The following DIABLO variants were observed in gnomAD, a reference collection of about 807,000 sequenced individuals.
DIABLO encodes diablo homolog, mitochondrial.
A neutral mutation model predicts 31.7 loss-of-function variants in DIABLO; 32 were observed. The observed-to-expected ratio is 1.01, with a 90% CI of 0.76 to 1.35. The LOEUF is 1.35. Among genes scored for constraint, DIABLO ranks in the 40% most tolerant of loss-of-function variants. DIABLO has a pLI of 0.00. For synonymous variants in DIABLO, 132 were observed against 103.2 expected (o/e 1.28, Z -1.69); for missense variants, 316 against 286.4 (o/e 1.10, Z -0.75).
Position 122,217,813 on chromosome 12 carries a change from G to A in DIABLO, c.315+453C>T, listed in dbSNP as rs576651416. The A allele has an allele frequency of 1.9e-4, 32 of 170,686 alleles. 2 individuals carry two copies. In the East Asian group the frequency reaches 3.1e-3, roughly 16 times the overall value. The allele number at this position is 170,686 out of a possible 1,614,324, so 10.6% of individuals were successfully genotyped here. On this transcript the variant is annotated intron_variant, in intron 3 of 5. Coordinates refer to ENST00000464942, the MANE Select transcript of DIABLO (RefSeq NM_001371333.1). ...TGGGATTACAGATGTGAGCCACCAC[G>A]CCTGGCCCATATACTCTCTTTTCTA...
intron 1 of DIABLO, chr12:122,225,565 C>G: frequency 8.6e-7 from 1 of 1,166,332 alleles, no homozygotes; most frequent in Non-Finnish European, 1.1e-6. Context: ...CCTGCGCCAG[C>G]TCCCCCGGCC....
chr12:122,226,303 C>T (rs1158190154), upstream of DIABLO: 5 of 662,088 alleles, frequency 7.6e-6, no homozygotes, highest in Admixed American at 8.7e-5. Context: ...CGCCGTGACG[C>T]TGGCGGGTGG....
upstream of DIABLO, chr12:122,226,053 G>A (rs749902942): frequency 1.9e-6 from 3 of 1,588,434 alleles, no homozygotes; most frequent in Non-Finnish European, 1.7e-6. Context: ...CGCCGGAAGT[G>A]ACGCAGCTTC....
chr12:122,220,012 T>A (rs1270517311), intron 2 of DIABLO, among the ~76,000 whole-genome samples: 1 of 149,252 alleles, frequency 6.7e-6, no homozygotes, highest in Non-Finnish European at 1.5e-5. Flanking sequence ...GGTTCAATCT[T>A]GGCTCATTGC....
In DIABLO at chr12:122,218,847, G is replaced by T. The variant is rs1445271648; in HGVS notation, c.184-450C>A. ...AATCCCAGCTACTCGGGAGGCTGAGGCAGGAGAATCGACTGAACCCAGGAG... is the reference window on the plus strand; with the variant it reads ...AATCCCAGCTACTCGGGAGGCTGAGTCAGGAGAATCGACTGAACCCAGGAG... On this transcript the variant is annotated intron_variant, in intron 2 of 5. Coordinates refer to ENST00000464942, the MANE Select transcript of DIABLO (RefSeq NM_001371333.1). 3.8e-5 allele frequency: 8 copies of T among 209,096 alleles called. No homozygotes were observed. In the East Asian group the frequency reaches 9.9e-4, roughly 26 times the overall value. The allele number at this position is 209,096 out of a possible 1,614,324, so 13.0% of individuals were successfully genotyped here.
At chr12:122,220,034 C>G (rs1004819774) in intron 2 of DIABLO, among the ~76,000 whole-genome samples, 5 of 151,080 alleles carry the variant, frequency 3.3e-5, no homozygotes, top group African/African-American at 9.7e-5. Context: ...ACCTCCGCCT[C>G]CTGGGTTCAA....
At chr12:122,219,327 CTT>C (rs1954285014) in intron 2 of DIABLO, among the ~76,000 whole-genome samples, 1 of 152,112 alleles carries the variant, frequency 6.6e-6, no homozygotes, top group Non-Finnish European at 1.5e-5. Context: ...GTGTTAGATA[CTT>C]GAGACGCAAG....
chr12:122,218,535 T>C (rs575439309), intron 2 of DIABLO, 138 bp from the exon 3 acceptor site: 1 of 1,111,056 alleles, frequency 9.0e-7, no homozygotes, highest in African/African-American at 1.6e-5. Flanking sequence ...TTGGGTTATA[T>C]TTTTTAAGGC....
intron 5 of DIABLO, chr12:122,209,784 G>A (rs1024928461): frequency 4.3e-6 from 3 of 703,450 alleles, no homozygotes; most frequent in Non-Finnish European, 5.2e-6. Flanking sequence ...GCATTAACAA[G>A]AACCTTCAGG....
chr12:122,226,542 T>A (rs1352909147), upstream of DIABLO: 2 of 698,538 alleles, frequency 2.9e-6, no homozygotes, highest in African/African-American at 3.5e-5. Flanking sequence ...CTGCAGCACG[T>A]GGACGGTGGA....
upstream of DIABLO, chr12:122,226,508 G>T (rs1198922165): frequency 1.9e-5 from 13 of 699,062 alleles, no homozygotes; most frequent in Non-Finnish European, 3.1e-5. Context: ...TGAGGAGCAC[G>T]AAGGCGAGCA....
intron 5 of DIABLO, chr12:122,209,917 C>G: frequency 1.5e-6 from 1 of 658,540 alleles, no homozygotes; most frequent in Non-Finnish European, 2.8e-6. Context: ...AGAAAATTAT[C>G]TCTTCATAAT....
chr12:122,219,782 G>A (rs1323630827), intron 2 of DIABLO, among the ~76,000 whole-genome samples: 5 of 150,846 alleles, frequency 3.3e-5, no homozygotes, highest in Non-Finnish European at 7.4e-5. Context: ...AGAATCGCTT[G>A]AACCCAGGAG....
rs1022485117 is a variant in DIABLO, at chr12:122,226,001, T to C, written c.14A>G (p.Lys5Arg). The C allele has an allele frequency of 1.9e-6, 3 of 1,603,542 alleles. No individual in the cohort carries two copies. The highest frequency in any genetic ancestry group is 1.3e-5 in the African/African-American group (1 of 74,724). Reference protein sequence around the residue: MAALKSWLSRSVTSF... With the variant: MAALRSWLSRSVTSF... Reference sequence around the variant, plus strand: ...AGTTACGCTGCGCGACAGCCAACTCTTCAGAGCCGCCATTGTGCAGCGCGC... The same window carrying C: ...AGTTACGCTGCGCGACAGCCAACTCCTCAGAGCCGCCATTGTGCAGCGCGC... The change falls in exon 1 of 6, where the codon AAG (lysine) becomes AGG (arginine). Residue 5 changes from lysine to arginine, a missense_variant. Transcript: ENST00000464942.
rs753798211 is a variant in DIABLO, at chr12:122,224,583, A to G, written c.112T>C (p.Leu38=). ...ANFKKRCFSE[L]IRPWHKTVTI... is the part of the protein sequence containing the mutation. ...ACAGTTTTGTGCCATGGTCTTATCA[A>G]TTCTGAGAAACACCGCTTCTTAAAG... Residue 38 remains leucine (L), a synonymous_variant, in exon 2 of 6, where the codon TTG becomes CTG. Coordinates refer to ENST00000464942, the MANE Select transcript of DIABLO (RefSeq NM_001371333.1). The G allele has an allele frequency of 1.9e-6, 3 of 1,614,050 alleles. No individual in the cohort carries two copies. The Admixed American group carries it at 5.0e-5, about 27-fold the overall frequency.
rs867885207 is a variant in DIABLO at position 122,215,079 on chromosome 12, G to C, written c.523+1409C>G. On this transcript the variant is annotated intron_variant, in intron 5 of 5. Transcript: ENST00000464942. Reference sequence around the variant, plus strand: ...GCGGTGGCTCGCACCTGTAATCCCAGCACTTTGAGAGGCTGAAGTGAGGAA... The same window carrying C: ...GCGGTGGCTCGCACCTGTAATCCCACCACTTTGAGAGGCTGAAGTGAGGAA... Among the ~76,000 whole-genome samples the C allele has an allele frequency of 8.5e-5, 13 of 152,314 alleles. No individual in the cohort carries two copies. In the Middle Eastern group the frequency reaches 0.01, roughly 120 times the overall value.
intron 5 of DIABLO, 97 bp downstream of exon 5, chr12:122,216,391 T>C: frequency 9.6e-7 from 1 of 1,044,902 alleles, no homozygotes; most frequent in African/African-American, 1.6e-5. Flanking sequence ...GACCATTTAC[T>C]ATAAAGCCCT....
chr12:122,216,930 G>A, intron 3 of DIABLO, 61 bp from the exon 4 acceptor site: 2 of 1,421,338 alleles, frequency 1.4e-6, no homozygotes, highest in South Asian at 2.3e-5. Flanking sequence ...AAGGAATAGA[G>A]AGATTTCCAC....
At chr12:122,220,908 G>T (rs1212416331) in intron 2 of DIABLO, 2 of 152,218 alleles carry the variant, frequency 1.3e-5, no homozygotes, top group Non-Finnish European at 2.9e-5. Context: ...TCAATATTCT[G>T]ATAAGTCTTC....
Sources: gnomAD v4.1 joint callset for allele counts (sites outside exome capture counted in the v4.1 genomes callset) on GRCh38, gnomAD v4.1.1 for gene constraint, MANE v1.5 for transcripts, NCBI Gene and HGNC (gene_info 2026-07-23, HGNC 2026-07-21) for gene names.